The following NUP210L variants were observed in gnomAD, a reference collection of about 807,000 sequenced individuals.
The protein encoded by NUP210L is nuclear pore membrane glycoprotein 210-like.
A neutral mutation model predicts 208.5 loss-of-function variants in NUP210L; 74 were observed. The observed-to-expected ratio is 0.35, with a 90% CI of 0.29 to 0.43. The LOEUF is 0.43. Ranked by LOEUF, NUP210L falls within the 20% of genes least tolerant of loss-of-function variation. NUP210L has a pLI of 1.00. For missense variants in NUP210L, 1,843 were observed against 2,289.4 expected, an observed-to-expected ratio of 0.81 and a Z score of 3.98; for synonymous variants, 780 against 816.9, an observed-to-expected ratio of 0.95 and a Z score of 0.77.
At chr1:154,055,176 T>TTTCTTTCTTTC (rs1553228989) in intron 23 of NUP210L, among the ~76,000 whole-genome samples, 4,429 of 120,114 alleles carry the variant, frequency 0.037, 147 homozygotes, top group Admixed American at 0.071. Flanking sequence ...TCTTTCTTTC[T>TTTCTTTCTTTC]TTCTTTCTTT....
intron 15 of NUP210L, 38 bp downstream of exon 15, chr1:154,094,897 T>C: frequency 2.7e-6 from 4 of 1,480,698 alleles, no homozygotes; most frequent in Middle Eastern, 1.7e-4. Context: ...TTTGGAGTAT[T>C]ACACTAAAGA....
chr1:154,113,459 T>C (rs1484621716), intron 12 of NUP210L, among the ~76,000 whole-genome samples: 1 of 152,004 alleles, frequency 6.6e-6, no homozygotes, highest in Non-Finnish European at 1.5e-5. Flanking sequence ...AACCTGTTTT[T>C]GTACAATGAG....
chr1:154,074,506 T>G (rs1317600604), intron 16 of NUP210L, among the ~76,000 whole-genome samples: 2 of 137,742 alleles, frequency 1.5e-5, no homozygotes, highest in Non-Finnish European at 3.2e-5. Flanking sequence ...TTTTTTTTTT[T>G]GAGACGGAGT....
At chr1:154,098,745 T>C (rs1376672332) in intron 14 of NUP210L, among the ~76,000 whole-genome samples, 1 of 152,174 alleles carries the variant, frequency 6.6e-6, no homozygotes, top group African/African-American at 2.4e-5. Flanking sequence ...GTTCCCACTC[T>C]GGTCTGCGGG....
intron 16 of NUP210L, among the ~76,000 whole-genome samples, chr1:154,077,773 T>G (rs1655117849): frequency 6.6e-6 from 1 of 151,854 alleles, no homozygotes; most frequent in Non-Finnish European, 1.5e-5. Context: ...TCACCTGAGG[T>G]CAGAAGTTTG....
chr1:154,097,735 T>C (rs772838806), intron 14 of NUP210L, among the ~76,000 whole-genome samples: 16 of 152,214 alleles, frequency 1.1e-4, no homozygotes, highest in Non-Finnish European at 1.5e-4. Context: ...CCAAGAGGCA[T>C]TGAGTCAGGA....
At chr1:154,039,672 T>C (rs1201663203) in intron 27 of NUP210L, among the ~76,000 whole-genome samples, 5 of 152,236 alleles carry the variant, frequency 3.3e-5, no homozygotes, top group African/African-American at 4.8e-5. Context: ...AGAAGTCATC[T>C]GCCAGACATA....
chr1:153,999,087 A>G (rs1185453906), intron 37 of NUP210L, among the ~76,000 whole-genome samples: 1 of 152,138 alleles, frequency 6.6e-6, no homozygotes, highest in Non-Finnish European at 1.5e-5. Context: ...AAGCATATAA[A>G]TGTGCTTAGG....
chr1:154,060,727 A>G (rs1326650178), intron 19 of NUP210L, 86 bp from the exon 20 acceptor site: 2 of 923,392 alleles, frequency 2.2e-6, no homozygotes, highest in Non-Finnish European at 3.4e-6. Context: ...CCTAAGAAAG[A>G]ATATGGGATA....
chr1:154,037,197 T>A (rs1482385207), intron 27 of NUP210L, among the ~76,000 whole-genome samples: 2 of 152,196 alleles, frequency 1.3e-5, no homozygotes, highest in African/African-American at 4.8e-5. Context: ...ATCTATTAGA[T>A]CCATTTGGTC....
In NUP210L at chr1:154,006,946, G is replaced by GTATA. The variant is rs1553219854; in HGVS notation, c.4930+3022_4930+3025dup. Among the ~76,000 whole-genome samples the GTATA allele has an allele frequency of 1.4e-4, 13 of 95,428 alleles. 1 individual carries two copies. Among genetic ancestry groups the GTATA allele is most frequent in the East Asian group, 6.1e-4 (2 of 3,280 alleles). 62.6% of individuals were successfully genotyped at this position (95,428 alleles called of 152,430 possible). On this transcript the variant is annotated intron_variant, in intron 35 of 39. Transcript: ENST00000368559. The stretch of plus-strand genomic sequence containing the variant: ...TATGTCTGTGTGTGTGTGTGTGTGT[G>GTATA]TATATATATATATATATATATTTTT...
chr1:154,099,622 T>C (rs915509875), intron 14 of NUP210L, among the ~76,000 whole-genome samples: 7 of 152,080 alleles, frequency 4.6e-5, no homozygotes, highest in African/African-American at 1.7e-4. Flanking sequence ...CAAAAGAGAG[T>C]ACACTAATAT....
intron 7 of NUP210L, among the ~76,000 whole-genome samples, chr1:154,130,135 T>C (rs1425707688): frequency 6.6e-6 from 1 of 151,962 alleles, no homozygotes; most frequent in Non-Finnish European, 1.5e-5. Flanking sequence ...GGTCAGGAGT[T>C]CAAGACCAGC....
intron 25 of NUP210L, among the ~76,000 whole-genome samples, chr1:154,053,646 C>T (rs962810488): frequency 2.0e-5 from 3 of 152,244 alleles, no homozygotes; most frequent in African/African-American, 7.2e-5. Flanking sequence ...GCCTTAAGGA[C>T]ATGTTCCTGC....
exon 39 of NUP210L, chr1:153,993,089 G>C: frequency 6.2e-7 from 1 of 1,609,928 alleles, no homozygotes; most frequent in Non-Finnish European, 8.5e-7. Context: ...GGCATTGTAT[G>C]CTGGAAAAAG....
chr1:154,016,636 A>G (rs1651262876), intron 33 of NUP210L, among the ~76,000 whole-genome samples: 1 of 152,038 alleles, frequency 6.6e-6, no homozygotes, highest in Admixed American at 6.6e-5. Flanking sequence ...CCAATTCTCC[A>G]ATCAAACATT....
intron 16 of NUP210L, among the ~76,000 whole-genome samples, chr1:154,085,426 A>G (rs1655577976): frequency 6.6e-6 from 1 of 152,100 alleles, no homozygotes; most frequent in Admixed American, 6.5e-5. Flanking sequence ...AATATTTAGG[A>G]ATAAATCTAA....
At chr1:154,154,790 C>T in intron 1 of NUP210L, 52 bp downstream of exon 1, 11 of 1,436,152 alleles carry the variant, frequency 7.7e-6, no homozygotes, top group Non-Finnish European at 1.1e-5. Flanking sequence ...CCCCCCTCAC[C>T]CTTACTGGAT....
intron 33 of NUP210L, among the ~76,000 whole-genome samples, chr1:154,013,610 AAAAC>A (rs1487980414): frequency 6.6e-6 from 1 of 151,998 alleles, no homozygotes; most frequent in East Asian, 1.9e-4. Context: ...AAAAACAAAA[AAAAC>A]ACACAAAAAA....
Sources: gnomAD v4.1 joint callset for allele counts (sites outside exome capture counted in the v4.1 genomes callset) on GRCh38, gnomAD v4.1.1 for gene constraint, MANE v1.5 for transcripts, NCBI Gene and HGNC (gene_info 2026-07-23, HGNC 2026-07-21) for gene names.